ABTB3: variants seen among roughly 807,000 people sequenced by gnomAD.
The protein encoded by ABTB3 is ankyrin repeat and BTB domain containing 3.
At chr12:107,654,844 A>ACC in the ABTB3 span, among the ~76,000 whole-genome samples, 1 of 149,970 alleles carries the variant, frequency 6.7e-6, no homozygotes, top group Non-Finnish European at 1.5e-5. Context: ...ACACACACAC[A>ACC]CACACACACA....
chr12:107,572,382 C>T, the ABTB3 span, among the ~76,000 whole-genome samples: 8 of 151,910 alleles, frequency 5.3e-5, no homozygotes, highest in Admixed American at 5.2e-4. Flanking sequence ...AAAATATGGC[C>T]ACCAGATTGT....
chr12:107,319,307 G>C, the ABTB3 span: 15 of 1,544,152 alleles, frequency 9.7e-6, no homozygotes, highest in Non-Finnish European at 1.2e-5. Flanking sequence ...GGTCCCCGGC[G>C]GCCTGCCCAA....
At chr12:107,580,838 C>G in the ABTB3 span, 1 of 1,539,164 alleles carries the variant, frequency 6.5e-7, no homozygotes, top group South Asian at 1.2e-5. Flanking sequence ...ACATGATCGC[C>G]GAGAGGGATA....
chr12:107,534,196 C>T, the ABTB3 span, among the ~76,000 whole-genome samples: 2 of 142,902 alleles, frequency 1.4e-5, no homozygotes, highest in South Asian at 2.2e-4. Flanking sequence ...GGTAACATAG[C>T]AATACCCTGT....
At chr12:107,656,589 G>C in the ABTB3 span, among the ~76,000 whole-genome samples, 1 of 152,378 alleles carries the variant, frequency 6.6e-6, no homozygotes, top group East Asian at 1.9e-4. Context: ...TCCAATCCCA[G>C]TTCTGTTAGT....
chr12:107,555,064 C>G, the ABTB3 span, among the ~76,000 whole-genome samples: 1 of 152,146 alleles, frequency 6.6e-6, no homozygotes. Context: ...ACGTGGCCAG[C>G]CTGCAGAACT....
the ABTB3 span, among the ~76,000 whole-genome samples, chr12:107,401,497 C>T: frequency 2.0e-5 from 3 of 152,208 alleles, no homozygotes; most frequent in African/African-American, 7.2e-5. Flanking sequence ...GGGGGTCAGT[C>T]ACTGCCCAAG....
chr12:107,396,409 C>T, the ABTB3 span, among the ~76,000 whole-genome samples: 1 of 152,160 alleles, frequency 6.6e-6, no homozygotes, highest in Admixed American at 6.5e-5. Flanking sequence ...AGCCAGTTTT[C>T]TCATCTGTAC....
the ABTB3 span, among the ~76,000 whole-genome samples, chr12:107,438,666 A>G: frequency 1.3e-5 from 2 of 152,204 alleles, no homozygotes; most frequent in Non-Finnish European, 2.9e-5. Context: ...TTCTTAACCA[A>G]TAAATTGCTG....
the ABTB3 span, among the ~76,000 whole-genome samples, chr12:107,472,257 G>A: frequency 6.6e-6 from 1 of 152,210 alleles, no homozygotes; most frequent in African/African-American, 2.4e-5. Context: ...GTGTACACAT[G>A]AACCTTAAAG....
chr12:107,619,872 TG>T, the ABTB3 span: 1 of 987,986 alleles, frequency 1.0e-6, no homozygotes, highest in Non-Finnish European at 1.5e-6. Context: ...AGTAATGTCC[TG>T]GGGAAAAGCC....
the ABTB3 span, among the ~76,000 whole-genome samples, chr12:107,504,243 G>A: frequency 6.6e-6 from 1 of 152,160 alleles, no homozygotes; most frequent in Non-Finnish European, 1.5e-5. Flanking sequence ...AGGCCTATTA[G>A]TTCTTTATAT....
At chr12:107,619,320 A>G in the ABTB3 span, among the ~76,000 whole-genome samples, 1 of 152,232 alleles carries the variant, frequency 6.6e-6, no homozygotes, top group Non-Finnish European at 1.5e-5. Flanking sequence ...AAATTACAGC[A>G]GTCAGCTGCT....
At chr12:107,415,912 C>G in the ABTB3 span, among the ~76,000 whole-genome samples, 65 of 151,874 alleles carry the variant, frequency 4.3e-4, no homozygotes, top group African/African-American at 1.4e-3. Context: ...GGTTTGAGCC[C>G]ACACTCTGAC....
At chr12:107,414,720 T>TC in the ABTB3 span, among the ~76,000 whole-genome samples, 1 of 149,236 alleles carries the variant, frequency 6.7e-6, no homozygotes, top group Non-Finnish European at 1.5e-5. Flanking sequence ...TCTTTTCTTT[T>TC]TCTTTTTTTT....
the ABTB3 span, among the ~76,000 whole-genome samples, chr12:107,518,336 C>T: frequency 2.6e-5 from 4 of 152,032 alleles, no homozygotes; most frequent in African/African-American, 9.7e-5. Context: ...GCACTATTCA[C>T]AATAGCAAAG....
At chr12:107,476,350 G>T in the ABTB3 span, among the ~76,000 whole-genome samples, 1 of 152,096 alleles carries the variant, frequency 6.6e-6, no homozygotes, top group African/African-American at 2.4e-5. Context: ...TGCCAAAGCC[G>T]AAGGTGAGCA....
chr12:107,412,346 G>A, the ABTB3 span, among the ~76,000 whole-genome samples: 3 of 152,178 alleles, frequency 2.0e-5, no homozygotes, highest in Admixed American at 6.5e-5. Context: ...AAGCTCAGAC[G>A]CCTGTGCCTT....
At chr12:107,391,372 C>T in the ABTB3 span, among the ~76,000 whole-genome samples, 3 of 152,286 alleles carry the variant, frequency 2.0e-5, no homozygotes, top group Admixed American at 6.5e-5. Flanking sequence ...GCCGGACCAC[C>T]TCTTGTAAGG....
Sources: allele counts gnomAD v4.1 joint callset (sites outside exome capture counted in the v4.1 genomes callset), GRCh38; gene constraint gnomAD v4.1.1; transcripts MANE v1.5; gene names NCBI Gene and HGNC (gene_info 2026-07-23, HGNC 2026-07-21).